Variants in CAGE1 observed in about 807,000 individuals in gnomAD.
CAGE1 encodes cancer-associated gene 1 protein.
Under a neutral mutation model 94.9 loss-of-function variants are expected in CAGE1, and 66 were observed. That is an observed-to-expected ratio of 0.70 (90% CI 0.57 to 0.85). The LOEUF is 0.85. Ranked by LOEUF, CAGE1 falls within the 40% of genes least tolerant of loss-of-function variation. The pLI is 0.00. For missense variants in CAGE1, 865 were observed against 950.4 expected (o/e 0.91, Z 1.18); for synonymous variants, 319 against 321.0 (o/e 0.99, Z 0.07).
intron 7 of CAGE1, among the ~76,000 whole-genome samples, chr6:7,367,400 G>A (rs188349745): frequency 8.6e-5 from 13 of 151,000 alleles, no homozygotes; most frequent in South Asian, 4.2e-4. Flanking sequence ...CTCAGCCTCC[G>A]GAATAGCTAG....
chr6:7,357,535 T>C (rs1561857805), intron 9 of CAGE1, among the ~76,000 whole-genome samples: 1 of 152,128 alleles, frequency 6.6e-6, no homozygotes. Context: ...AGTCTGCAGA[T>C]GGATTTTTTT....
At chr6:7,341,400 A>G in intron 11 of CAGE1, 1 of 859,418 alleles carries the variant, frequency 1.2e-6, no homozygotes, top group Non-Finnish European at 1.9e-6. Context: ...GTGGAATGTG[A>G]TGGATTCATC....
intron 6 of CAGE1, among the ~76,000 whole-genome samples, 180 bp downstream of exon 6, chr6:7,369,735 AAGAT>A (rs1253101545): frequency 6.6e-6 from 1 of 152,208 alleles, no homozygotes; most frequent in African/African-American, 2.4e-5. Context: ...GTGTTCAAGA[AAGAT>A]AAGCAGAAAG....
chr6:7,348,037 G>A (rs1202881391), intron 11 of CAGE1, among the ~76,000 whole-genome samples: 2 of 152,206 alleles, frequency 1.3e-5, no homozygotes, highest in Non-Finnish European at 2.9e-5. Context: ...CTAGGGCCCT[G>A]CTCACCACCG....
At chr6:7,369,307 C>T (rs534798624) in intron 6 of CAGE1, among the ~76,000 whole-genome samples, 1 of 152,216 alleles carries the variant, frequency 6.6e-6, no homozygotes, top group African/African-American at 2.4e-5. Flanking sequence ...CGCACCTGGC[C>T]GTGCATGTCC....
At chr6:7,327,877 C>T (rs1016941565) in intron 13 of CAGE1, among the ~76,000 whole-genome samples, 2 of 151,990 alleles carry the variant, frequency 1.3e-5, no homozygotes, top group Non-Finnish European at 2.9e-5. Flanking sequence ...TTGCAGTGAG[C>T]CGAGATTGCG....
chr6:7,354,250 T>C (rs1045033882), intron 11 of CAGE1, among the ~76,000 whole-genome samples: 2 of 152,206 alleles, frequency 1.3e-5, no homozygotes, highest in Non-Finnish European at 2.9e-5. Context: ...GGTTATAAGC[T>C]GAAGAGGAAT....
In CAGE1 at chr6:7,328,918, G is replaced by GTGTA. The variant is rs1328152228; in HGVS notation, c.2478+930_2478+931insTACA. ...TGTGTGTGTGTGTGTGTGTGTGTGT[G>GTGTA]TATATATATATATATATTTTTTTTT... On this transcript the variant is annotated intron_variant, in intron 13 of 13. Transcript: ENST00000502583. Among the ~76,000 whole-genome samples, 250 of 43,964 alleles carry GTGTA rather than the reference G, an allele frequency of 5.7e-3. 1 individual carries two copies. Among genetic ancestry groups the GTGTA allele is most frequent in the African/African-American group, 0.016 (184 of 11,538 alleles). 28.8% of individuals were successfully genotyped at this position (43,964 alleles called of 152,430 possible).
chr6:7,327,970 C>G (rs1240115564), intron 13 of CAGE1, among the ~76,000 whole-genome samples: 1 of 129,466 alleles, frequency 7.7e-6, no homozygotes, highest in Non-Finnish European at 1.8e-5. Flanking sequence ...TAACCATTGA[C>G]AGTATTAAGG....
chr6:7,382,823 T>C (rs949281979), intron 3 of CAGE1, among the ~76,000 whole-genome samples: 3 of 151,898 alleles, frequency 2.0e-5, no homozygotes, highest in African/African-American at 7.3e-5. Flanking sequence ...GGCAGGAGAA[T>C]AGTTTGAACC....
At chr6:7,364,105 T>C (rs746158625) in intron 9 of CAGE1, among the ~76,000 whole-genome samples, 1 of 152,162 alleles carries the variant, frequency 6.6e-6, no homozygotes, top group African/African-American at 2.4e-5. Flanking sequence ...ATCATCTTTG[T>C]ATCACCAGGG....
chr6:7,339,706 T>C lies in CAGE1; in HGVS notation c.2370-5616A>G. ...TCCTGAGCTACTTCACTTAGAATAA[T>C]GGTCTCCAATTCCATCTAAGTTGCT... On this transcript the variant is annotated intron_variant, in intron 11 of 13. Coordinates refer to ENST00000502583, the MANE Select transcript of CAGE1 (RefSeq NM_001170692.2). The surrounding 1 kb of genome is among the most constrained non-coding windows in gnomAD (Gnocchi z 4.7). 1.8e-6 allele frequency: 1 copy of C among 548,408 alleles called. No individual in the cohort carries two copies. The highest frequency in any genetic ancestry group is 3.3e-6 in the Non-Finnish European group (1 of 305,230). 34.0% of individuals were successfully genotyped at this position (548,408 alleles called of 1,614,324 possible).
Position 7,339,082 on chromosome 6 carries a change from G to T in CAGE1, c.2370-4992C>A. 1 of 1,598,702 alleles carries T rather than the reference G, an allele frequency of 6.3e-7. No homozygotes were observed. The highest frequency in any genetic ancestry group is 8.6e-7 in the Non-Finnish European group (1 of 1,166,822). ...GCAGTGTCAACGTAGTAGTTAACAG[G>T]GTCTCTGCTGTGGATCATCAGGCCG... On this transcript the variant is annotated intron_variant, in intron 11 of 13. Coordinates refer to ENST00000502583, the MANE Select transcript of CAGE1 (RefSeq NM_001170692.2). The surrounding 1 kb of genome is among the most constrained non-coding windows in gnomAD (Gnocchi z 4.7).
At chr6:7,353,696 T>TACACAC (rs59990182) in intron 11 of CAGE1, among the ~76,000 whole-genome samples, 51 of 139,592 alleles carry the variant, frequency 3.7e-4, no homozygotes, top group South Asian at 9.7e-4. Context: ...TATATATATG[T>TACACAC]ACACACACAC....
intron 11 of CAGE1, among the ~76,000 whole-genome samples, chr6:7,337,277 A>G (rs1758987135): frequency 6.6e-6 from 1 of 150,948 alleles, no homozygotes; most frequent in Non-Finnish European, 1.5e-5. Flanking sequence ...CAGTGAGCCA[A>G]GATTGCACCA....
chr6:7,329,121 C>T (rs775495835), intron 13 of CAGE1: 11 of 332,850 alleles, frequency 3.3e-5, no homozygotes, highest in Admixed American at 4.9e-5. Context: ...TTAATAGAGA[C>T]GAGGGTTCCC....
intron 13 of CAGE1, among the ~76,000 whole-genome samples, chr6:7,329,506 G>C (rs1758670184): frequency 6.6e-6 from 1 of 152,148 alleles, no homozygotes; most frequent in Non-Finnish European, 1.5e-5. Flanking sequence ...GCTTTTGAAA[G>C]ATCACTCTGT....
At chr6:7,350,081 G>A (rs1581673460) in intron 11 of CAGE1, among the ~76,000 whole-genome samples, 1 of 152,068 alleles carries the variant, frequency 6.6e-6, no homozygotes, top group African/African-American at 2.4e-5. Flanking sequence ...TCATGCAAAT[G>A]GACACCAAAA....
At chr6:7,380,609 C>T (rs931558932) in intron 3 of CAGE1, among the ~76,000 whole-genome samples, 12 of 150,494 alleles carry the variant, frequency 8.0e-5, no homozygotes, top group Non-Finnish European at 1.2e-4. Context: ...TGCACTCCAG[C>T]GTGGGTGACA....
Sources: allele counts gnomAD v4.1 joint callset (sites outside exome capture counted in the v4.1 genomes callset), GRCh38; gene constraint gnomAD v4.1.1; non-coding constraint Gnocchi (gnomAD v3.1); transcripts MANE v1.5; gene names NCBI Gene and HGNC (gene_info 2026-07-23, HGNC 2026-07-21).